The following PLPPR4 variants were observed in gnomAD, a reference collection of about 807,000 sequenced individuals.
PLPPR4 encodes the protein phospholipid phosphatase-related protein type 4.
Under a neutral mutation model 56.6 loss-of-function variants are expected in PLPPR4, and 24 were observed. That is an observed-to-expected ratio of 0.42 (90% CI 0.31 to 0.60). The LOEUF (loss-of-function observed/expected upper bound fraction) is 0.60. PLPPR4 is among the 20% of genes least tolerant of loss of function. The pLI, the probability that PLPPR4 is intolerant of heterozygous loss-of-function variation, is 0.13. For synonymous variants in PLPPR4, 326 were observed against 328.1 expected, an observed-to-expected ratio of 0.99 and a Z score of 0.07; for missense variants, 654 against 885.8, an observed-to-expected ratio of 0.74 and a Z score of 3.32.
At chr1:99,300,720 A>G (rs893198971) in intron 4 of PLPPR4, among the ~76,000 whole-genome samples, 189 bp from the exon 5 acceptor site, 3 of 152,062 alleles carry the variant, frequency 2.0e-5, no homozygotes, top group African/African-American at 7.2e-5. Flanking sequence ...ATTTGTTAAT[A>G]TTAATGGTGA....
chr1:99,276,347 G>A (rs1659184285), intron 1 of PLPPR4, among the ~76,000 whole-genome samples: 1 of 151,996 alleles, frequency 6.6e-6, no homozygotes, highest in Non-Finnish European at 1.5e-5. Flanking sequence ...CAGGCACATG[G>A]AAAATACTAA....
chr1:99,275,821 ACCAAACT>A (rs1278258045), intron 1 of PLPPR4, among the ~76,000 whole-genome samples: 2 of 152,184 alleles, frequency 1.3e-5, no homozygotes, highest in African/African-American at 4.8e-5. Flanking sequence ...CCCCCAGCCC[ACCAAACT>A]CAGGAGGCTG....
At chr1:99,298,984 A>T (rs1472102568) in intron 3 of PLPPR4, 51 bp from the exon 4 acceptor site, 2 of 1,215,168 alleles carry the variant, frequency 1.6e-6, no homozygotes, top group Non-Finnish European at 2.4e-6. Context: ...AATATGTTTG[A>T]TGCTGACACA....
chr1:99,283,001 T>G (rs1570912592), intron 1 of PLPPR4, among the ~76,000 whole-genome samples: 1 of 148,096 alleles, frequency 6.8e-6, no homozygotes, highest in African/African-American at 2.5e-5. Context: ...ATATATATTA[T>G]ATATATGAAA....
intron 1 of PLPPR4, among the ~76,000 whole-genome samples, chr1:99,276,512 C>T (rs1245830063): frequency 6.6e-6 from 1 of 151,840 alleles, no homozygotes; most frequent in East Asian, 1.9e-4. Context: ...TCAGTCATTC[C>T]TGTGTATATA....
At position 99,299,016 on chromosome 1, in the gene PLPPR4, T is replaced by C; in HGVS notation, c.395-19T>C. The C allele has an allele frequency of 6.3e-7, 1 of 1,582,940 alleles. No homozygotes were observed. Among genetic ancestry groups the C allele is most frequent in the South Asian group, 1.1e-5 (1 of 90,454 alleles). On this transcript the variant is annotated intron_variant, in intron 3 of 6. Transcript: ENST00000370185. ...CACAACCACCAACTTGGTAACAATT[T>C]CTTTCATTTTGCCTATAGGTGTTCA...
rs1659820766 is a variant in PLPPR4, at chr1:99,299,187, G to T, written c.547G>T (p.Asp183Tyr). 1.9e-6 allele frequency: 3 copies of T among 1,613,218 alleles called. No homozygotes were observed. The highest frequency in any genetic ancestry group is 2.5e-6 in the Non-Finnish European group (3 of 1,179,618). ...SCKENSYIVE[D>Y]ICSGSDLTVI... ...CAAAGAAAATTCCTACATTGTGGAAGATATTTGCTCAGGATCTGACCTCAC... is the reference window on the plus strand; with the variant it reads ...CAAAGAAAATTCCTACATTGTGGAATATATTTGCTCAGGATCTGACCTCAC... Residue 183 changes from aspartate (D) to tyrosine (Y), a missense_variant, in exon 4 of 7, where the codon GAT (aspartate) becomes TAT (tyrosine). Physicochemically the swap from Asp to Tyr is radical, Grantham distance 160. This residue lies in a region of PLPPR4 where 186 missense variants were observed against 331.4 expected (regional missense o/e 0.56). Coordinates refer to ENST00000370185, the MANE Select transcript of PLPPR4 (RefSeq NM_014839.5).
intron 1 of PLPPR4, 143 bp downstream of exon 1, chr1:99,264,814 C>T: frequency 4.9e-6 from 4 of 820,834 alleles, no homozygotes; most frequent in Non-Finnish European, 6.0e-6. Flanking sequence ...CCCTCTTCCC[C>T]TAGATTTCAC....
At chr1:99,281,863 C>G (rs575933278) in intron 1 of PLPPR4, among the ~76,000 whole-genome samples, 4 of 152,212 alleles carry the variant, frequency 2.6e-5, no homozygotes, top group African/African-American at 9.6e-5. Context: ...TTAAAATCTT[C>G]CTTAATCTCT....
At chr1:99,296,523 C>A (rs184304298) in intron 2 of PLPPR4, among the ~76,000 whole-genome samples, 58 of 152,160 alleles carry the variant, frequency 3.8e-4, no homozygotes, top group African/African-American at 1.4e-3. Flanking sequence ...TCCAGAAGAC[C>A]CTACAAAATC....
At chr1:99,297,913 C>G (rs897142927) in intron 3 of PLPPR4, among the ~76,000 whole-genome samples, 2 of 152,122 alleles carry the variant, frequency 1.3e-5, no homozygotes, top group Non-Finnish European at 2.9e-5. Context: ...CCATTCTACC[C>G]TAGAGAACAA....
At chr1:99,288,621 A>G (rs980938102) in intron 2 of PLPPR4, among the ~76,000 whole-genome samples, 1 of 152,242 alleles carries the variant, frequency 6.6e-6, no homozygotes, top group Admixed American at 6.5e-5. Context: ...AATTATAAAG[A>G]TATAAAAACT....
intron 2 of PLPPR4, among the ~76,000 whole-genome samples, chr1:99,296,141 T>C (rs1359535686): frequency 1.3e-5 from 2 of 152,210 alleles, no homozygotes; most frequent in Non-Finnish European, 1.5e-5. Context: ...TAGGAAATAC[T>C]ACCCTTCTGA....
chr1:99,307,117 C>A lies in PLPPR4; in HGVS notation c.*107C>A. On this transcript the variant is annotated 3_prime_UTR_variant, in exon 7 of 7. Coordinates refer to ENST00000370185, the MANE Select transcript of PLPPR4 (RefSeq NM_014839.5). The stretch of plus-strand genomic sequence containing the variant: ...AGTCTCACCAAGCTAGATTGTCTAC[C>A]ATCAGCCCAGAACTCTGTAACTTTT... 1.5e-6 allele frequency: 2 copies of A among 1,362,554 alleles called. No homozygotes were observed. The highest frequency in any genetic ancestry group is 1.4e-5 in the South Asian group (1 of 71,514). The allele number at this position is 1,362,554 out of a possible 1,614,324, so 84.4% of individuals were successfully genotyped here.
At position 99,288,242 on chromosome 1, in the gene PLPPR4, G is replaced by C. The variant is rs533384344; in HGVS notation, c.264+92G>C. The C allele has an allele frequency of 3.9e-5, 43 of 1,100,612 alleles. No homozygotes were observed. In the East Asian group the frequency reaches 9.6e-4, roughly 25 times the overall value. The allele number at this position is 1,100,612 out of a possible 1,614,324, so 68.2% of individuals were successfully genotyped here. A position where few individuals can be genotyped will look rare whatever the true frequency, so the allele number is the denominator to read the frequency against. ...TAAATGGGTTCAAAGCAAACAAAAC[G>C]TGAACTCTAAATCCTAAATCAAAGT... On this transcript the variant is annotated intron_variant, in intron 2 of 6. Coordinates refer to ENST00000370185, the MANE Select transcript of PLPPR4 (RefSeq NM_014839.5).
chr1:99,280,341 T>C (rs1423809455), intron 1 of PLPPR4, among the ~76,000 whole-genome samples: 2 of 152,086 alleles, frequency 1.3e-5, no homozygotes, highest in African/African-American at 2.4e-5. Flanking sequence ...ACAGTGTAGA[T>C]TGAATATAGC....
intron 1 of PLPPR4, among the ~76,000 whole-genome samples, chr1:99,269,600 CT>C (rs1658998680): frequency 6.6e-6 from 1 of 152,110 alleles, no homozygotes; most frequent in African/African-American, 2.4e-5. Context: ...GACAAATTAC[CT>C]TTTTAAGCCT....
At chr1:99,286,816 A>C (rs544422431) in intron 1 of PLPPR4, among the ~76,000 whole-genome samples, 17 of 152,348 alleles carry the variant, frequency 1.1e-4, no homozygotes, top group African/African-American at 4.1e-4. Flanking sequence ...GCATGAAGCA[A>C]CTTGCATTGC....
chr1:99,287,604 C>T lies in PLPPR4; in HGVS notation c.79-361C>T, dbSNP rs190963745. 4.5e-3 allele frequency among the ~76,000 whole-genome samples: 687 copies of T among 152,086 alleles called. 8 individuals carry two copies. The highest frequency in any genetic ancestry group is 0.016 in the African/African-American group (660 of 41,500). ...CCATTCTGACTGGCATGAGGTGGTA[C>T]CTCATTGTGGTTTTGATTTGCATTT... On this transcript the variant is annotated intron_variant, in intron 1 of 6. Coordinates refer to ENST00000370185, the MANE Select transcript of PLPPR4 (RefSeq NM_014839.5).
Sources: allele counts gnomAD v4.1 joint callset (sites outside exome capture counted in the v4.1 genomes callset), GRCh38; gene constraint gnomAD v4.1.1; regional missense constraint gnomAD v4.1.1; transcripts MANE v1.5; gene names NCBI Gene and HGNC (gene_info 2026-07-23, HGNC 2026-07-21).